COL4A5: variants seen among roughly 807,000 people sequenced by gnomAD.
COL4A5 encodes collagen alpha-5(IV) chain.
In COL4A5, 26 loss-of-function variants were observed where a neutral mutation model predicts 130.2. That is an observed-to-expected ratio of 0.20 (90% CI 0.15 to 0.28). COL4A5 has a LOEUF of 0.28. Among genes scored for constraint, COL4A5 ranks in the 10% least tolerant of loss-of-function variants. The probability of loss-of-function intolerance (pLI) is 1.00; values close to 1 mark genes in which losing one functional copy is unlikely to be tolerated. For missense variants in COL4A5, 1,131 were observed against 1,344.3 expected, an observed-to-expected ratio of 0.84 and a Z score of 2.48; for synonymous variants, 496 against 439.6, an observed-to-expected ratio of 1.13 and a Z score of -1.60.
At chrX:108,663,368 G>A (rs909679116) in intron 37 of COL4A5, among the ~76,000 whole-genome samples, 1 of 111,788 alleles carries the variant, frequency 8.9e-6, no homozygotes, top group African/African-American at 3.3e-5. Flanking sequence ...TATAAAACCT[G>A]CTATGTTAGA....
chrX:108,694,720 T>C, intron 50 of COL4A5, 87 bp from the exon 51 acceptor site: 1 of 713,520 alleles, frequency 1.4e-6, no homozygotes, highest in Non-Finnish European at 2.3e-6. Context: ...TCGGCTTCCA[T>C]ACTAAGAAGG....
intron 36 of COL4A5, among the ~76,000 whole-genome samples, chrX:108,631,214 G>T (rs1298798820): frequency 9.0e-6 from 1 of 111,497 alleles, no homozygotes; most frequent in African/African-American, 3.3e-5. Flanking sequence ...AGCTTGATGG[G>T]GATGGCATTG....
intron 37 of COL4A5, among the ~76,000 whole-genome samples, chrX:108,659,144 C>A (rs1023670050): frequency 2.7e-5 from 3 of 111,306 alleles, no homozygotes; most frequent in African/African-American, 9.7e-5. Context: ...CTGTTGATTT[C>A]TGTTTTTCTC....
At position 108,620,321 on chromosome X, in the gene COL4A5, C is replaced by A. The variant is rs147220200; in HGVS notation, c.2572C>A (p.Pro858Thr). Residue 858 changes from proline to threonine, a missense_variant, in exon 31 of 53, where the codon CCC (proline) becomes ACC (threonine). Transcript: ENST00000328300. ...PGPPGLDVPGPPGERGSPGIP... is the reference protein window; with the variant it reads ...PGPPGLDVPGTPGERGSPGIP... ...ACCTCCTGGACTTGATGTTCCAGGA[C>A]CCCCAGGTGAAAGAGGCAGTCCAGG... 1.3e-5 allele frequency: 16 copies of A among 1,205,310 alleles called. No individual in the cohort carries two copies. In the African/African-American group the frequency reaches 2.5e-4, roughly 19 times the overall value.
At chrX:108,640,520 G>A (rs1279118025) in intron 36 of COL4A5, among the ~76,000 whole-genome samples, 3 of 111,222 alleles carry the variant, frequency 2.7e-5, no homozygotes, top group African/African-American at 9.8e-5. Context: ...GAAATTTGTT[G>A]AGAGTAGATC....
At chrX:108,444,630 G>T (rs2064434708) in intron 1 of COL4A5, among the ~76,000 whole-genome samples, 3 of 112,058 alleles carry the variant, frequency 2.7e-5, no homozygotes, top group Non-Finnish European at 3.8e-5. Context: ...AGATCTGGGT[G>T]CTTGGCATGC....
chrX:108,559,884 A>G (rs1339260918), intron 3 of COL4A5, among the ~76,000 whole-genome samples: 1 of 112,187 alleles, frequency 8.9e-6, no homozygotes, highest in Non-Finnish European at 1.9e-5. Context: ...ATTGCAGTGC[A>G]TTAGCTGTGC....
intron 1 of COL4A5, among the ~76,000 whole-genome samples, chrX:108,442,541 G>C (rs1314171504): frequency 1.8e-5 from 2 of 111,717 alleles, no homozygotes; most frequent in Non-Finnish European, 3.8e-5. Context: ...TTGTGGATGT[G>C]GGTAGTATGT....
intron 1 of COL4A5, among the ~76,000 whole-genome samples, chrX:108,524,439 T>C (rs1444215382): frequency 9.0e-6 from 1 of 111,183 alleles, no homozygotes; most frequent in Non-Finnish European, 1.9e-5. Flanking sequence ...TTTGAGCTTT[T>C]CTGAGAACCA....
chrX:108,599,711 T>C (rs200256958), intron 25 of COL4A5, among the ~76,000 whole-genome samples: 2 of 111,925 alleles, frequency 1.8e-5, no homozygotes, highest in East Asian at 5.6e-4. Context: ...TAAATAAAAG[T>C]TTTATGTGAA....
intron 1 of COL4A5, among the ~76,000 whole-genome samples, chrX:108,500,802 G>A (rs1024340191): frequency 3.6e-5 from 4 of 111,382 alleles, no homozygotes; most frequent in African/African-American, 1.3e-4. Context: ...GTAACACTGA[G>A]AGGACAGAAA....
intron 1 of COL4A5, among the ~76,000 whole-genome samples, chrX:108,505,306 A>G (rs2081289000): frequency 1.8e-5 from 2 of 110,518 alleles, no homozygotes; most frequent in Admixed American, 9.6e-5. Context: ...GTGTTGGAGT[A>G]CACTAAAATC....
At chrX:108,629,586 A>G (rs1391480649) in intron 36 of COL4A5, among the ~76,000 whole-genome samples, 2 of 111,751 alleles carry the variant, frequency 1.8e-5, no homozygotes, top group Admixed American at 9.5e-5. Flanking sequence ...GAGTTGCTAT[A>G]TGCTGAAATA....
chrX:108,475,878 G>C (rs774375170), intron 1 of COL4A5, among the ~76,000 whole-genome samples: 63 of 111,802 alleles, frequency 5.6e-4, no homozygotes, highest in Non-Finnish European at 1.2e-3. Flanking sequence ...TATGTAACTT[G>C]TACAGTATAT....
chrX:108,585,783 ATTAG>A (rs1296930638), intron 18 of COL4A5, among the ~76,000 whole-genome samples: 1 of 111,531 alleles, frequency 9.0e-6, no homozygotes, highest in African/African-American at 3.2e-5. Context: ...AAAAGAAATG[ATTAG>A]TTAGTTGGGT....
intron 1 of COL4A5, among the ~76,000 whole-genome samples, chrX:108,529,676 A>G (rs1039000229): frequency 4.5e-5 from 5 of 111,328 alleles, no homozygotes; most frequent in South Asian, 3.8e-4. Flanking sequence ...CCTAACAGTA[A>G]AGACACATAT....
intron 38 of COL4A5, among the ~76,000 whole-genome samples, chrX:108,666,075 C>T (rs759585396): frequency 1.8e-5 from 2 of 109,678 alleles, no homozygotes; most frequent in East Asian, 5.7e-4. Context: ...TTAAAATGAT[C>T]ATATGTGACC....
At chrX:108,487,349 C>T (rs1247357388) in intron 1 of COL4A5, among the ~76,000 whole-genome samples, 4 of 104,440 alleles carry the variant, frequency 3.8e-5, no homozygotes, top group African/African-American at 1.1e-4. Context: ...GAGATTGTGC[C>T]GTTCCACTTC....
At chrX:108,695,510 T>G (rs1048364786) in intron 52 of COL4A5, 71 bp downstream of exon 52, 9 of 1,017,087 alleles carry the variant, frequency 8.8e-6, no homozygotes, top group Non-Finnish European at 1.2e-5. Context: ...AGAGACAATT[T>G]ATGGATGGTT....
Sources: gnomAD v4.1 joint callset for allele counts (sites outside exome capture counted in the v4.1 genomes callset) on GRCh38, gnomAD v4.1.1 for gene constraint, MANE v1.5 for transcripts, NCBI Gene and HGNC (gene_info 2026-07-23, HGNC 2026-07-21) for gene names.